The following NAA50 variants were observed in gnomAD, a reference collection of about 807,000 sequenced individuals.
NAA50 encodes the protein N-alpha-acetyltransferase 50.
Under a neutral mutation model 20.7 loss-of-function variants are expected in NAA50, and 7 were observed. The observed-to-expected ratio is 0.34, with a 90% CI of 0.19 to 0.63. The LOEUF (loss-of-function observed/expected upper bound fraction) is 0.63, where lower values mean the gene tolerates loss of function less well. NAA50 is among the 30% of genes least tolerant of loss of function. The pLI is 0.75. For synonymous variants in NAA50, 54 were observed against 70.6 expected (o/e 0.77, Z 1.18); for missense variants, 111 against 199.1 (o/e 0.56, Z 2.66).
At chr3:113,723,097 T>C (rs1708157608) in intron 3 of NAA50, 125 bp from the exon 4 acceptor site, 3 of 1,258,744 alleles carry the variant, frequency 2.4e-6, no homozygotes, top group Non-Finnish European at 3.2e-6. Context: ...ACACTAGATA[T>C]CCTTATTTTC....
rs1203708362 is a variant in NAA50 at position 113,720,096 on chromosome 3, A to G, written c.*1664T>C. The stretch of plus-strand genomic sequence containing the variant: ...TTTACCATCTTAAGATTAGAACCCT[A>G]TAAACTCATTCATCAACTGTCTTCT... On this transcript the variant is annotated 3_prime_UTR_variant, in exon 5 of 5. Coordinates refer to ENST00000240922, the MANE Select transcript of NAA50 (RefSeq NM_025146.4). The G allele has an allele frequency of 6.6e-6, 1 of 152,664 alleles. No homozygotes were observed. The highest frequency in any genetic ancestry group is 1.5e-5 in the Non-Finnish European group (1 of 68,030). 9.5% of individuals were successfully genotyped at this position (152,664 alleles called of 1,614,324 possible).
Position 113,719,822 on chromosome 3 carries a change from C to A in NAA50, c.*1938G>T, listed in dbSNP as rs1460704775. 6.6e-6 allele frequency: 1 copy of A among 152,590 alleles called. No homozygotes were observed. Among genetic ancestry groups the A allele is most frequent in the African/African-American group, 2.4e-5 (1 of 41,456 alleles). 9.5% of individuals were successfully genotyped at this position (152,590 alleles called of 1,614,324 possible). ...GGTGAAATGGTTATAGAAATAGAGGCAGTGTCATCTCAGAAAACCATTTAT... is the reference window on the plus strand; with the variant it reads ...GGTGAAATGGTTATAGAAATAGAGGAAGTGTCATCTCAGAAAACCATTTAT... On this transcript the variant is annotated 3_prime_UTR_variant, in exon 5 of 5. Coordinates refer to ENST00000240922, the MANE Select transcript of NAA50 (RefSeq NM_025146.4).
At chr3:113,723,722 G>A in intron 2 of NAA50, 181 bp from the exon 3 acceptor site, 1 of 818,394 alleles carries the variant, frequency 1.2e-6, no homozygotes, top group East Asian at 2.7e-5. Flanking sequence ...CTAGAGTATA[G>A]CTTAAAGTGA....
chr3:113,731,736 C>T (rs1228892694), intron 1 of NAA50, among the ~76,000 whole-genome samples: 2 of 152,156 alleles, frequency 1.3e-5, no homozygotes, highest in African/African-American at 4.8e-5. Flanking sequence ...ATCTTTTGCA[C>T]TAGGCTTCTT....
At chr3:113,731,947 A>G (rs189553344) in intron 1 of NAA50, among the ~76,000 whole-genome samples, 35 of 152,294 alleles carry the variant, frequency 2.3e-4, no homozygotes, top group Admixed American at 1.6e-3. Flanking sequence ...CTGCGTGTGG[A>G]CATACGCCTT....
intron 1 of NAA50, among the ~76,000 whole-genome samples, chr3:113,731,588 T>C (rs966879074): frequency 6.6e-6 from 1 of 152,206 alleles, no homozygotes; most frequent in Non-Finnish European, 1.5e-5. Flanking sequence ...ACATTCTCAT[T>C]ACAGTCTCAA....
At chr3:113,725,662 A>C (rs1708190144) in intron 1 of NAA50, among the ~76,000 whole-genome samples, 1 of 152,092 alleles carries the variant, frequency 6.6e-6, no homozygotes. Flanking sequence ...GCTACTTAGA[A>C]GGCTGAAGTG....
At chr3:113,737,446 C>T (rs1221569993) in intron 1 of NAA50, among the ~76,000 whole-genome samples, 1 of 152,202 alleles carries the variant, frequency 6.6e-6, no homozygotes, top group African/African-American at 2.4e-5. Context: ...AGTTTCAACA[C>T]TAACTGCTCA....
At position 113,720,781 on chromosome 3, in the gene NAA50, G is replaced by A. The variant is rs1708125493; in HGVS notation, c.*979C>T. The A allele has an allele frequency of 6.6e-6, 1 of 152,234 alleles. No homozygotes were observed. The highest frequency in any genetic ancestry group is 6.5e-5 in the Admixed American group (1 of 15,272). 9.4% of individuals were successfully genotyped at this position (152,234 alleles called of 1,614,324 possible). ...TTAGATGACAGTAATTGAATTTTTT[G>A]TGTCACAGCCCATCTAAGCTTCCTT... On this transcript the variant is annotated 3_prime_UTR_variant, in exon 5 of 5. Transcript: ENST00000240922.
In NAA50 at chr3:113,719,225, C is replaced by A. The variant is rs1431418820; in HGVS notation, c.*2535G>T. On this transcript the variant is annotated 3_prime_UTR_variant, in exon 5 of 5. Transcript: ENST00000240922. The stretch of plus-strand genomic sequence containing the variant: ...AACTGCTTTAGATATTTCAGAACTT[C>A]ATTCCCCAAATGAAAGCTAATCTGG... 1.3e-5 allele frequency: 2 copies of A among 152,604 alleles called. No homozygotes were observed. Among genetic ancestry groups the A allele is most frequent in the Non-Finnish European group, 2.9e-5 (2 of 68,012 alleles). The allele number at this position is 152,604 out of a possible 1,614,324, so 9.5% of individuals were successfully genotyped here. A position where few individuals can be genotyped will look rare whatever the true frequency, so the allele number is the denominator to read the frequency against.
At chr3:113,730,892 A>G (rs193235388) in intron 1 of NAA50, among the ~76,000 whole-genome samples, 129 of 149,612 alleles carry the variant, frequency 8.6e-4, no homozygotes, top group African/African-American at 2.1e-3. Context: ...ACATTTACAT[A>G]TAAGTTTTGG....
intron 1 of NAA50, among the ~76,000 whole-genome samples, chr3:113,738,728 G>A (rs1299312409): frequency 6.6e-6 from 1 of 152,170 alleles, no homozygotes; most frequent in Non-Finnish European, 1.5e-5. Flanking sequence ...ATTATAGTAA[G>A]TTTCCTTTAA....
Position 113,724,076 on chromosome 3 carries a change from C to A in NAA50, c.28G>T (p.Asp10Tyr), listed in dbSNP as rs772492073. 6.3e-7 allele frequency: 1 copy of A among 1,590,656 alleles called. No individual in the cohort carries two copies. Among genetic ancestry groups the A allele is most frequent in the Admixed American group, 1.7e-5 (1 of 57,220 alleles). Residue 10 changes from aspartate to tyrosine, a missense_variant, in exon 2 of 5, where the codon GAT becomes TAT. Transcript: ENST00000240922. MKGSRIELGDVTPHNIKQLK... is the reference protein window; with the variant it reads MKGSRIELGYVTPHNIKQLK... The stretch of plus-strand genomic sequence containing the variant: ...TGTTTAATATTGTGTGGTGTCACAT[C>A]TCCCAGCTCGATCCGGCTACTGGAA...
At chr3:113,725,951 AC>A (rs1708193534) in intron 1 of NAA50, among the ~76,000 whole-genome samples, 1 of 152,112 alleles carries the variant, frequency 6.6e-6, no homozygotes, top group Non-Finnish European at 1.5e-5. Context: ...AGAGACTTTT[AC>A]CCCCTATTTA....
chr3:113,741,326 T>C (rs543023720), intron 1 of NAA50: 1 of 340,166 alleles, frequency 2.9e-6, no homozygotes, highest in East Asian at 7.6e-5. Flanking sequence ...CAACTGTAGC[T>C]AGTCACGACT....
At chr3:113,725,340 T>C (rs1478023991) in intron 1 of NAA50, among the ~76,000 whole-genome samples, 1 of 152,248 alleles carries the variant, frequency 6.6e-6, no homozygotes, top group Non-Finnish European at 1.5e-5. Flanking sequence ...ATTTCAACTA[T>C]ATTTAACAAC....
At chr3:113,742,804 G>C (rs939614087) in intron 1 of NAA50, among the ~76,000 whole-genome samples, 7 of 152,030 alleles carry the variant, frequency 4.6e-5, no homozygotes, top group Admixed American at 3.9e-4. Context: ...TTTTGTTAAA[G>C]ACATTTTTTA....
chr3:113,725,786 T>C (rs1237154004), intron 1 of NAA50, among the ~76,000 whole-genome samples: 1 of 150,510 alleles, frequency 6.6e-6, no homozygotes, highest in Non-Finnish European at 1.5e-5. Flanking sequence ...ACAGCAATAA[T>C]TACAGATAAA....
intron 1 of NAA50, among the ~76,000 whole-genome samples, chr3:113,725,811 AATTTG>A (rs1473027027): frequency 7.6e-6 from 1 of 131,022 alleles, no homozygotes; most frequent in Non-Finnish European, 1.7e-5. Flanking sequence ...GAAATTTCTA[AATTTG>A]ATTTATCTGG....
Sources: allele counts gnomAD v4.1 joint callset (sites outside exome capture counted in the v4.1 genomes callset), GRCh38; gene constraint gnomAD v4.1.1; transcripts MANE v1.5; gene names NCBI Gene and HGNC (gene_info 2026-07-23, HGNC 2026-07-21).